Variants in ZMYND8 observed in about 807,000 individuals in gnomAD.
ZMYND8 encodes the protein zinc finger MYND-type containing 8.
A neutral mutation model predicts 140.8 loss-of-function variants in ZMYND8; 37 were observed. The observed-to-expected ratio is 0.26, with a 90% CI of 0.20 to 0.35. The LOEUF (loss-of-function observed/expected upper bound fraction) is 0.35, where lower values mean the gene tolerates loss of function less well. Among genes scored for constraint, ZMYND8 ranks in the 10% least tolerant of loss-of-function variants. ZMYND8 has a pLI of 1.00. For synonymous variants in ZMYND8, 592 were observed against 597.1 expected (o/e 0.99, Z 0.12); for missense variants, 1,068 against 1,570.0 (o/e 0.68, Z 5.40).
intron 2 of ZMYND8, among the ~76,000 whole-genome samples, chr20:47,347,466 T>C (rs1329750637): frequency 6.6e-6 from 1 of 152,222 alleles, no homozygotes; most frequent in Non-Finnish European, 1.5e-5. Context: ...GCGGGCTGAC[T>C]TCATCCCACT....
chr20:47,314,297 G>A (rs777036068), intron 2 of ZMYND8, among the ~76,000 whole-genome samples: 32 of 152,072 alleles, frequency 2.1e-4, no homozygotes, highest in Admixed American at 1.4e-3. Context: ...TCAGGAGTTC[G>A]AGACCAGACT....
At chr20:47,351,662 TG>T (rs768260800) in intron 1 of ZMYND8, 2 of 984,828 alleles carry the variant, frequency 2.0e-6, no homozygotes, top group African/African-American at 1.7e-5. Context: ...TTTAAGAAAT[TG>T]GGGTGGGGGG....
At chr20:47,350,981 C>G (rs998705402) in intron 1 of ZMYND8, among the ~76,000 whole-genome samples, 2 of 152,168 alleles carry the variant, frequency 1.3e-5, no homozygotes, top group African/African-American at 4.8e-5. Flanking sequence ...CACATTTACC[C>G]AAGTCATTTG....
intron 2 of ZMYND8, among the ~76,000 whole-genome samples, chr20:47,330,412 C>T (rs1479329074): frequency 6.7e-6 from 1 of 149,772 alleles, no homozygotes; most frequent in African/African-American, 2.5e-5. Flanking sequence ...CCACTTTGCC[C>T]AGGCTGGTCT....
chr20:47,262,292 G>A lies in ZMYND8; in HGVS notation c.1617C>T (p.Asn539=). The change falls in exon 12 of 23, where the codon AAC becomes AAT. Residue 539 remains asparagine, a synonymous_variant. Coordinates refer to ENST00000471951, the MANE Select transcript of ZMYND8 (RefSeq NM_001281775.3). ...TSTTGSILNL[N]LDRSKAEMDL... ...CTGGCAAAAATTCTGACTGACCCAG[G>A]TTAAGATTCAGGATGCTGCCGGTGG... 7 of 1,614,122 alleles carry A rather than the reference G, an allele frequency of 4.3e-6. No homozygotes were observed. Among genetic ancestry groups the A allele is most frequent in the African/African-American group, 1.3e-5 (1 of 75,034 alleles).
At chr20:47,226,178 G>GAAGC (rs1484445504) in intron 18 of ZMYND8, among the ~76,000 whole-genome samples, 1 of 150,450 alleles carries the variant, frequency 6.6e-6, no homozygotes, top group East Asian at 1.9e-4. Flanking sequence ...AGGAAAACGA[G>GAAGC]AAGCAACAAC....
At chr20:47,283,770 G>A (rs554862166) in intron 8 of ZMYND8, 122 bp from the exon 9 acceptor site, 4 of 919,894 alleles carry the variant, frequency 4.3e-6, no homozygotes, top group Admixed American at 4.3e-5. Flanking sequence ...GAACACCTTG[G>A]AGATGAATCC....
At chr20:47,234,539 C>A (rs941132166) in intron 16 of ZMYND8, among the ~76,000 whole-genome samples, 1 of 152,206 alleles carries the variant, frequency 6.6e-6, no homozygotes, top group Admixed American at 6.5e-5. Flanking sequence ...ACCATGACTG[C>A]AACTGCAAGA....
intron 2 of ZMYND8, among the ~76,000 whole-genome samples, chr20:47,337,209 G>A (rs866184191): frequency 1.7e-4 from 26 of 152,044 alleles, no homozygotes; most frequent in Non-Finnish European, 1.3e-4. Flanking sequence ...AAAATTAGCC[G>A]GGCGTGGTGG....
At chr20:47,318,645 C>T (rs151054601) in intron 2 of ZMYND8, 12 of 432,286 alleles carry the variant, frequency 2.8e-5, no homozygotes, top group Admixed American at 1.1e-4. Flanking sequence ...CAACGCTGAC[C>T]GTCTCTTAGA....
intron 2 of ZMYND8, among the ~76,000 whole-genome samples, chr20:47,321,510 C>T (rs2079948509): frequency 1.3e-5 from 2 of 152,232 alleles, no homozygotes; most frequent in Admixed American, 1.3e-4. Flanking sequence ...GCTGAGAAAT[C>T]CTGGTAGAAA....
chr20:47,226,500 G>A (rs2147009877), intron 18 of ZMYND8, among the ~76,000 whole-genome samples: 1 of 152,312 alleles, frequency 6.6e-6, no homozygotes, highest in East Asian at 1.9e-4. Context: ...CAGTGCACAG[G>A]AAGCATCCAG....
chr20:47,251,244 G>A (rs2074144523), intron 12 of ZMYND8, among the ~76,000 whole-genome samples: 1 of 152,124 alleles, frequency 6.6e-6, no homozygotes, highest in Non-Finnish European at 1.5e-5. Flanking sequence ...CTAGAGACAG[G>A]ACTGCAGACA....
At chr20:47,220,837 A>G (rs940796883) in intron 20 of ZMYND8, among the ~76,000 whole-genome samples, 2 of 152,210 alleles carry the variant, frequency 1.3e-5, no homozygotes, top group Admixed American at 6.5e-5. Context: ...CATACCATCA[A>G]TGTCACATAC....
rs868544671 is a variant in ZMYND8 at position 47,255,582 on chromosome 20, G to C, written c.1622-6143C>G. On this transcript the variant is annotated intron_variant, in intron 12 of 22. Coordinates refer to ENST00000471951, the MANE Select transcript of ZMYND8 (RefSeq NM_001281775.3). ...ACTCAGTGTGTGTGTGTGTGTGTGT[G>C]TGTGTGTGTGTGTATATATATATAT... Among the ~76,000 whole-genome samples, 142 of 58,038 alleles carry C rather than the reference G, an allele frequency of 2.4e-3. 3 individuals carry two copies. The highest frequency in any genetic ancestry group is 0.01 in the African/African-American group (135 of 13,394). 38.1% of individuals were successfully genotyped at this position (58,038 alleles called of 152,430 possible). A position where few individuals can be genotyped will look rare whatever the true frequency, so the allele number is the denominator to read the frequency against.
rs79631284 is a variant in ZMYND8, at chr20:47,254,252, C to T, written c.1622-4813G>A. On this transcript the variant is annotated intron_variant, in intron 12 of 22. Coordinates refer to ENST00000471951, the MANE Select transcript of ZMYND8 (RefSeq NM_001281775.3). ...AATACTCACGCTAGAGAAAAAGGCA[C>T]GATCTTACATTTCTGGAGGGAGCAT... Among the ~76,000 whole-genome samples, 404 of 152,290 alleles carry T rather than the reference C, an allele frequency of 2.7e-3. 2 individuals are homozygous for T. Among genetic ancestry groups the T allele is most frequent in the African/African-American group, 9.3e-3 (387 of 41,548 alleles).
At chr20:47,277,382 C>T (rs1280618080) in intron 10 of ZMYND8, among the ~76,000 whole-genome samples, 1 of 152,262 alleles carries the variant, frequency 6.6e-6, no homozygotes, top group African/African-American at 2.4e-5. Flanking sequence ...TTTTGCTCTG[C>T]AAAGACCCAT....
At position 47,212,686 on chromosome 20, in the gene ZMYND8, G is replaced by C; in HGVS notation, c.3524C>G (p.Thr1175Ser). 1.9e-6 allele frequency: 3 copies of C among 1,613,908 alleles called. No homozygotes were observed. Among genetic ancestry groups the C allele is most frequent in the Non-Finnish European group, 2.5e-6 (3 of 1,179,884 alleles). Residue 1175 changes from threonine (T) to serine (S), a missense_variant, in exon 22 of 23, where the codon ACC becomes AGC. Thr to Ser is a moderately conservative substitution (Grantham distance 58). This residue lies in a region of ZMYND8 where 180 missense variants were observed against 187.8 expected (regional missense o/e 0.96). Coordinates refer to ENST00000471951, the MANE Select transcript of ZMYND8 (RefSeq NM_001281775.3). The part of the protein sequence containing the change: ...RCDKQPAYAP[T>S]TTDHQPHPNY... ...GGGGTGCGGCTGGTGGTCTGTGGTG[G>C]TTGGGGCATAGGCAGGTTGCTTGTC...
At chr20:47,301,800 C>T (rs541082492) in intron 3 of ZMYND8, among the ~76,000 whole-genome samples, 1 of 152,162 alleles carries the variant, frequency 6.6e-6, no homozygotes, top group East Asian at 1.9e-4. Flanking sequence ...TATGGTTTGG[C>T]TGTGTCCCCA....
Sources: allele counts gnomAD v4.1 joint callset (sites outside exome capture counted in the v4.1 genomes callset), GRCh38; gene constraint gnomAD v4.1.1; regional missense constraint gnomAD v4.1.1; transcripts MANE v1.5; gene names NCBI Gene and HGNC (gene_info 2026-07-23, HGNC 2026-07-21).